Variants in PIK3C2G observed in about 807,000 individuals in gnomAD.
PIK3C2G encodes the protein phosphatidylinositol-4-phosphate 3-kinase catalytic subunit type 2 gamma.
Under a neutral mutation model 181.1 loss-of-function variants are expected in PIK3C2G, and 168 were observed. The observed-to-expected ratio is 0.93, with a 90% CI of 0.82 to 1.05. The LOEUF is 1.05. Ranked by LOEUF, PIK3C2G falls within the 50% of genes least tolerant of loss-of-function variation. The probability of loss-of-function intolerance (pLI) is 0.00; values close to 1 mark genes in which losing one functional copy is unlikely to be tolerated. For missense variants in PIK3C2G, 1,869 were observed against 1,732.8 expected, an observed-to-expected ratio of 1.08 and a Z score of -1.40; for synonymous variants, 573 against 592.2, an observed-to-expected ratio of 0.97 and a Z score of 0.47.
intron 29 of PIK3C2G, among the ~76,000 whole-genome samples, chr12:18,578,783 G>A (rs1946351435): frequency 6.6e-6 from 1 of 151,938 alleles, no homozygotes; most frequent in Non-Finnish European, 1.5e-5. Context: ...TATTTTAAGT[G>A]ATATGAACGT....
intron 16 of PIK3C2G, among the ~76,000 whole-genome samples, chr12:18,420,043 T>C (rs1259945752): frequency 1.3e-5 from 2 of 152,204 alleles, no homozygotes; most frequent in East Asian, 3.9e-4. Flanking sequence ...TGTTTGTTTT[T>C]ATTTGTAAAT....
At chr12:18,308,508 A>T (rs916482566) in intron 5 of PIK3C2G, among the ~76,000 whole-genome samples, 2 of 151,360 alleles carry the variant, frequency 1.3e-5, no homozygotes, top group African/African-American at 4.8e-5. Context: ...TAGTAAAAAA[A>T]AAAGAAAATA....
chr12:18,495,247 ACTCT>A (rs1233557986), intron 20 of PIK3C2G, among the ~76,000 whole-genome samples: 1 of 152,004 alleles, frequency 6.6e-6, no homozygotes, highest in Non-Finnish European at 1.5e-5. Flanking sequence ...GCCATCATGA[ACTCT>A]CTAATAGCCT....
At chr12:18,325,523 A>G (rs1951300091) in intron 8 of PIK3C2G, among the ~76,000 whole-genome samples, 1 of 152,080 alleles carries the variant, frequency 6.6e-6, no homozygotes, top group Admixed American at 6.5e-5. Context: ...CCTGGCCAAC[A>G]TGGTGAAACC....
chr12:18,355,959 G>T (rs903040775), intron 11 of PIK3C2G, among the ~76,000 whole-genome samples: 1 of 152,214 alleles, frequency 6.6e-6, no homozygotes, highest in African/African-American at 2.4e-5. Flanking sequence ...AAGTCTGGGG[G>T]TCTTGGCTGA....
At chr12:18,579,900 C>A (rs1289655857) in intron 29 of PIK3C2G, among the ~76,000 whole-genome samples, 1 of 151,878 alleles carries the variant, frequency 6.6e-6, no homozygotes, top group South Asian at 2.1e-4. Flanking sequence ...TTTGGGAGGC[C>A]GAGGTGGGTG....
intron 31 of PIK3C2G, among the ~76,000 whole-genome samples, chr12:18,634,909 C>T (rs1190162893): frequency 6.6e-6 from 1 of 152,108 alleles, no homozygotes; most frequent in African/African-American, 2.4e-5. Context: ...CACATGCTAC[C>T]TCCCCAATCT....
intron 28 of PIK3C2G, among the ~76,000 whole-genome samples, chr12:18,565,942 C>T (rs560305935): frequency 6.6e-6 from 1 of 152,268 alleles, no homozygotes; most frequent in East Asian, 1.9e-4. Flanking sequence ...ATAGATCTAT[C>T]TCTCTACCTA....
rs536592064 is a variant in PIK3C2G at position 18,399,194 on chromosome 12, CAA to C, written c.2127-450_2127-449del. ...TGGGTGACAGAGCGAGACTCCGTCTCAAAAAAAAAAAAAAAATATGCCATTTT... is the reference window on the plus strand; with the variant it reads ...TGGGTGACAGAGCGAGACTCCGTCTCAAAAAAAAAAAAAATATGCCATTTT... On this transcript the variant is annotated intron_variant, in intron 15 of 32. Transcript: ENST00000538779. Among the ~76,000 whole-genome samples, 9 of 80,418 alleles carry C rather than the reference CAA, an allele frequency of 1.1e-4. 1 individual carries two copies. The highest frequency in any genetic ancestry group is 2.4e-4 in the African/African-American group (5 of 21,024). The allele number at this position is 80,418 out of a possible 152,430, so 52.8% of individuals were successfully genotyped here. A position where few individuals can be genotyped will look rare whatever the true frequency, so the allele number is the denominator to read the frequency against.
At chr12:18,724,859 A>C in the PIK3C2G span, among the ~76,000 whole-genome samples, 1 of 152,148 alleles carries the variant, frequency 6.6e-6, no homozygotes, top group Non-Finnish European at 1.5e-5. Context: ...TAAATAAAAA[A>C]TTATGGTTCT....
chr12:18,542,005 C>G (rs1317757695), intron 25 of PIK3C2G, among the ~76,000 whole-genome samples: 1 of 151,726 alleles, frequency 6.6e-6, no homozygotes, highest in Non-Finnish European at 1.5e-5. Flanking sequence ...TACTTGGCAG[C>G]TAGTGTGTGA....
At chr12:18,487,178 A>G (rs1940134469) in intron 18 of PIK3C2G, among the ~76,000 whole-genome samples, 1 of 150,858 alleles carries the variant, frequency 6.6e-6, no homozygotes. Flanking sequence ...TTTCACACAA[A>G]ATTTGTATTT....
intron 18 of PIK3C2G, among the ~76,000 whole-genome samples, chr12:18,487,096 T>TTTTGTGTGTG (rs71440368): frequency 3.7e-4 from 52 of 142,200 alleles, no homozygotes; most frequent in Admixed American, 1.8e-3. Context: ...TTGAGGTATT[T>TTTTGTGTGTG]TGTGTGTGTG....
At chr12:18,284,279 A>T (rs1949347968) in intron 2 of PIK3C2G, among the ~76,000 whole-genome samples, 1 of 152,198 alleles carries the variant, frequency 6.6e-6, no homozygotes, top group Non-Finnish European at 1.5e-5. Context: ...GAAGCTACAA[A>T]GCCATGTCTT....
At chr12:18,679,096 T>C in the PIK3C2G span, among the ~76,000 whole-genome samples, 1 of 152,114 alleles carries the variant, frequency 6.6e-6, no homozygotes, top group African/African-American at 2.4e-5. Context: ...GAGCTTCTTT[T>C]CATGTGCTTA....
chr12:18,631,280 G>A (rs953797283), intron 31 of PIK3C2G, among the ~76,000 whole-genome samples: 1 of 152,116 alleles, frequency 6.6e-6, no homozygotes, highest in African/African-American at 2.4e-5. Flanking sequence ...GCTGTTAAAG[G>A]ACAAACTAAG....
chr12:18,698,143 C>A, the PIK3C2G span, among the ~76,000 whole-genome samples: 4 of 151,900 alleles, frequency 2.6e-5, no homozygotes, highest in Non-Finnish European at 4.4e-5. Context: ...CTTAACCACA[C>A]CTTACAGCAA....
chr12:18,421,195 G>T (rs966278952), intron 17 of PIK3C2G, among the ~76,000 whole-genome samples, 161 bp downstream of exon 17: 3 of 151,870 alleles, frequency 2.0e-5, no homozygotes, highest in African/African-American at 7.3e-5. Context: ...TTCTCTAGCT[G>T]AAATTGTTAC....
intron 24 of PIK3C2G, among the ~76,000 whole-genome samples, chr12:18,528,246 T>G (rs1161943490): frequency 6.6e-6 from 1 of 152,162 alleles, no homozygotes. Flanking sequence ...CTCTCTGAAA[T>G]GTAGGTCATT....
Sources: gnomAD v4.1 joint callset for allele counts (sites outside exome capture counted in the v4.1 genomes callset) on GRCh38, gnomAD v4.1.1 for gene constraint, MANE v1.5 for transcripts, NCBI Gene and HGNC (gene_info 2026-07-23, HGNC 2026-07-21) for gene names.